The following DGLUCY variants were observed in gnomAD, a reference collection of about 807,000 sequenced individuals.
DGLUCY encodes D-glutamate cyclase, mitochondrial.
DGLUCY carries 58 observed loss-of-function variants against 58.5 expected under a neutral mutation model. The ratio of observed to expected loss-of-function variants is 0.99; its 90% CI spans 0.80 to 1.23. The LOEUF (loss-of-function observed/expected upper bound fraction) is 1.23, where lower values mean the gene tolerates loss of function less well. DGLUCY is among the 50% of genes most tolerant of loss of function. DGLUCY has a pLI of 0.00. For missense variants in DGLUCY, 779 were observed against 784.7 expected, an observed-to-expected ratio of 0.99 and a Z score of 0.09; for synonymous variants, 325 against 314.1, an observed-to-expected ratio of 1.03 and a Z score of -0.37.
At chr14:91,080,773 T>C (rs1410935159) in intron 1 of DGLUCY, among the ~76,000 whole-genome samples, 6 of 151,882 alleles carry the variant, frequency 4.0e-5, no homozygotes, top group Non-Finnish European at 7.4e-5. Flanking sequence ...AAAAGTGGAG[T>C]CCTAGTAAGA....
rs146037284 is a variant in DGLUCY, at chr14:91,218,498, G to T, written c.1716+2942G>T. ...GCTCACTGCAACCTCCGCCTCCCAGGTTTGAGTGATTCTCCTGCCTCAGCC... is the reference window on the plus strand; with the variant it reads ...GCTCACTGCAACCTCCGCCTCCCAGTTTTGAGTGATTCTCCTGCCTCAGCC... On this transcript the variant is annotated intron_variant, in intron 13 of 13. Transcript: ENST00000256324. Among the ~76,000 whole-genome samples, 284 of 151,642 alleles carry T rather than the reference G, an allele frequency of 1.9e-3. 2 individuals carry two copies. The highest frequency in any genetic ancestry group is 3.4e-3 in the Middle Eastern group (1 of 294).
chr14:91,193,679 AAAAAATAC>A (rs2050037019), intron 9 of DGLUCY, among the ~76,000 whole-genome samples: 1 of 151,990 alleles, frequency 6.6e-6, no homozygotes, highest in East Asian at 1.9e-4. Flanking sequence ...CGTCTCTACC[AAAAAATAC>A]AAAAATTAGC....
intron 3 of DGLUCY, among the ~76,000 whole-genome samples, chr14:91,163,032 C>A (rs531975907): frequency 6.6e-6 from 1 of 152,000 alleles, no homozygotes; most frequent in Non-Finnish European, 1.5e-5. Flanking sequence ...CCGAGGCCAG[C>A]GGACTGCCTG....
chr14:91,195,670 GT>G (rs1207157314), intron 9 of DGLUCY, among the ~76,000 whole-genome samples: 251 of 120,646 alleles, frequency 2.1e-3, no homozygotes, highest in Middle Eastern at 8.5e-3. Context: ...TTTGGGTTTT[GT>G]TTTTTTTTTT....
rs1306309143 is a variant in DGLUCY at position 91,098,010 on chromosome 14, C to G, written c.-82+37306C>G. On this transcript the variant is annotated intron_variant, in intron 1 of 4. Coordinates refer to the DGLUCY transcript ENST00000521334. Reference sequence around the variant, plus strand: ...TGCCAATGTTCATAATATAAATATTCCCCACTACAGCCAATGCCAAGCTGT... The same window carrying G: ...TGCCAATGTTCATAATATAAATATTGCCCACTACAGCCAATGCCAAGCTGT... Among the ~76,000 whole-genome samples the G allele has an allele frequency of 2.6e-5, 4 of 151,802 alleles. No individual in the cohort carries two copies. The East Asian group carries it at 7.7e-4, about 29-fold the overall frequency.
At chr14:91,166,156 G>C (rs902543315) in intron 3 of DGLUCY, among the ~76,000 whole-genome samples, 1 of 152,226 alleles carries the variant, frequency 6.6e-6, no homozygotes, top group Non-Finnish European at 1.5e-5. Context: ...AGTCAGGATG[G>C]TTGGCTCTTG....
rs114935035 is a variant in DGLUCY, at chr14:91,137,427, C to T, written c.-81-20212C>T. 5.9e-3 allele frequency among the ~76,000 whole-genome samples: 896 copies of T among 151,422 alleles called. 11 individuals carry two copies. Among genetic ancestry groups the T allele is most frequent in the African/African-American group, 0.021 (860 of 41,290 alleles). ...TTTGAGACGGAGTCTTTCTCTGTTG[C>T]CAGGCTGGAATGCAGAGGTGTGATC... is the stretch of plus-strand genomic sequence containing the variant. On this transcript the variant is annotated intron_variant, in intron 1 of 13. Transcript: ENST00000256324.
chr14:91,140,906 A>G (rs1218212996), intron 1 of DGLUCY, among the ~76,000 whole-genome samples: 1 of 152,158 alleles, frequency 6.6e-6, no homozygotes, highest in African/African-American at 2.4e-5. Flanking sequence ...TCTATTGTTG[A>G]GGATCAGATG....
chr14:91,157,354 T>C (rs1036099659), intron 1 of DGLUCY, among the ~76,000 whole-genome samples: 1 of 152,156 alleles, frequency 6.6e-6, no homozygotes, highest in Non-Finnish European at 1.5e-5. Flanking sequence ...TTCATACATA[T>C]AGAAAGGTAA....
chr14:91,181,376 C>G lies in DGLUCY; in HGVS notation c.921C>G (p.Ile307Met). 1 of 1,613,084 alleles carries G rather than the reference C, an allele frequency of 6.2e-7. No individual in the cohort carries two copies. The highest frequency in any genetic ancestry group is 8.5e-7 in the Non-Finnish European group (1 of 1,179,748). The change falls in exon 8 of 14, where the codon ATC becomes ATG. Residue 307 changes from isoleucine to methionine, a missense_variant. Ile to Met is a conservative substitution (Grantham distance 10, BLOSUM62 1). Coordinates refer to ENST00000256324, the MANE Select transcript of DGLUCY (RefSeq NM_001102368.3). ...AGATCAGAGAACTAGAGTCTATGAT[C>G]GGCATAGACCCAGGTAAGAAACAAC... The part of the protein sequence containing the change: ...SQKIRELESM[I>M]GIDPGNRGIG...
At chr14:91,209,992 C>T (rs1326357284) in intron 12 of DGLUCY, among the ~76,000 whole-genome samples, 6 of 152,014 alleles carry the variant, frequency 3.9e-5, no homozygotes, top group Non-Finnish European at 8.8e-5. Context: ...TCAAATAAGA[C>T]ATAATACGCC....
chr14:91,114,420 A>G (rs919005436), intron 1 of DGLUCY, 137 bp downstream of exon 1: 48 of 152,334 alleles, frequency 3.2e-4, no homozygotes, highest in Admixed American at 3.1e-3. Flanking sequence ...AAAACCAGTG[A>G]GCAAGGCAGA....
intron 9 of DGLUCY, among the ~76,000 whole-genome samples, chr14:91,192,597 A>G (rs970939844): frequency 6.6e-6 from 1 of 152,022 alleles, no homozygotes. Context: ...CCCCGTTTCC[A>G]CCAGGACCTG....
Position 91,129,231 on chromosome 14 carries a change from A to G in DGLUCY, c.-82+14948A>G, listed in dbSNP as rs148112789. Among the ~76,000 whole-genome samples, 517 of 152,298 alleles carry G rather than the reference A, an allele frequency of 3.4e-3. 4 individuals are homozygous for G. The highest frequency in any genetic ancestry group is 0.012 in the African/African-American group (487 of 41,562). The stretch of plus-strand genomic sequence containing the variant: ...AAGAATAGTAAACAACTGTGTCCCT[A>G]GGATCCAAGTTAAGAAATAGATCAG... On this transcript the variant is annotated intron_variant, in intron 1 of 13. Transcript: ENST00000256324.
In DGLUCY at chr14:91,195,296, G is replaced by A. The variant is rs529149277; in HGVS notation, c.1196-1079G>A. ...ATCCCAACCTGCTGTGAGATAGATC[G>A]GTTAATGAAAACCAAGTTCATTTTA... is the stretch of plus-strand genomic sequence containing the variant. On this transcript the variant is annotated intron_variant, in intron 9 of 13. Coordinates refer to ENST00000256324, the MANE Select transcript of DGLUCY (RefSeq NM_001102368.3). 7.9e-5 allele frequency among the ~76,000 whole-genome samples: 12 copies of A among 152,250 alleles called. No individual in the cohort carries two copies. The East Asian group carries it at 2.1e-3, about 27-fold the overall frequency.
chr14:91,067,453 C>T (rs1039837629), intron 1 of DGLUCY, among the ~76,000 whole-genome samples: 2 of 152,184 alleles, frequency 1.3e-5, no homozygotes, highest in Non-Finnish European at 2.9e-5. Context: ...CCACATCATA[C>T]TTTCCTTTAA....
At chr14:91,217,933 G>A (rs546422081) in intron 13 of DGLUCY, among the ~76,000 whole-genome samples, 2 of 152,226 alleles carry the variant, frequency 1.3e-5, no homozygotes, top group Admixed American at 1.3e-4. Flanking sequence ...GATTGGTGGT[G>A]TCATTCCCAT....
At chr14:91,123,408 T>A (rs1301198204) in intron 1 of DGLUCY, among the ~76,000 whole-genome samples, 1 of 151,912 alleles carries the variant, frequency 6.6e-6, no homozygotes, top group Non-Finnish European at 1.5e-5. Flanking sequence ...TTGTGAATAT[T>A]TAGAAACGGA....
intron 1 of DGLUCY, among the ~76,000 whole-genome samples, chr14:91,108,518 TGTGTGTGTGAGA>T (rs1402118160): frequency 0.017 from 1,602 of 92,798 alleles, 14 homozygotes; most frequent in South Asian, 0.04. Context: ...TGTGTGTGTG[TGTGTGTGTGAGA>T]GAGAGAGAGA....
Sources: gnomAD v4.1 joint callset for allele counts (sites outside exome capture counted in the v4.1 genomes callset) on GRCh38, gnomAD v4.1.1 for gene constraint, MANE v1.5 for transcripts, NCBI Gene and HGNC (gene_info 2026-07-23, HGNC 2026-07-21) for gene names.